WIPF1: variants seen among roughly 807,000 people sequenced by gnomAD.
WIPF1 encodes WAS/WASL-interacting protein family member 1.
WIPF1 carries 13 observed loss-of-function variants against 35.4 expected under a neutral mutation model. The ratio of observed to expected loss-of-function variants is 0.37; its 90% CI spans 0.24 to 0.58. The LOEUF (loss-of-function observed/expected upper bound fraction) is 0.58, where lower values mean the gene tolerates loss of function less well. Among genes scored for constraint, WIPF1 ranks in the 20% least tolerant of loss-of-function variants. The pLI is 0.74. For missense variants in WIPF1, 591 were observed against 667.0 expected (o/e 0.89, Z 1.25); for synonymous variants, 267 against 266.3 (o/e 1.00, Z -0.02).
At chr2:174,643,560 G>A (rs965570624) in intron 1 of WIPF1, among the ~76,000 whole-genome samples, 4 of 148,440 alleles carry the variant, frequency 2.7e-5, no homozygotes, top group Non-Finnish European at 5.9e-5. Context: ...TTACAGGCAC[G>A]CAACACCAAG....
intron 7 of WIPF1, among the ~76,000 whole-genome samples, chr2:174,565,041 A>T (rs1269694736): frequency 1.3e-5 from 2 of 151,864 alleles, no homozygotes; most frequent in Non-Finnish European, 2.9e-5. Flanking sequence ...GATTACACGC[A>T]TGCGCCCCTA....
chr2:174,663,354 T>C (rs1452535412), intron 1 of WIPF1, among the ~76,000 whole-genome samples: 1 of 152,220 alleles, frequency 6.6e-6, no homozygotes, highest in Non-Finnish European at 1.5e-5. Flanking sequence ...CATTTTCCCC[T>C]TCAAAGCTCT....
At chr2:174,582,452 C>G (rs1469740698) in intron 2 of WIPF1, among the ~76,000 whole-genome samples, 1 of 152,196 alleles carries the variant, frequency 6.6e-6, no homozygotes, top group Admixed American at 6.5e-5. Context: ...CTGGCCCCAG[C>G]CCTTCTGACA....
chr2:174,564,544 A>G (rs1384842599), intron 7 of WIPF1, among the ~76,000 whole-genome samples: 2 of 152,186 alleles, frequency 1.3e-5, no homozygotes, highest in African/African-American at 2.4e-5. Flanking sequence ...TGAGCAGGAC[A>G]CAGTTCTAGT....
At chr2:174,647,716 A>G (rs538922717) in intron 1 of WIPF1, among the ~76,000 whole-genome samples, 22 of 152,080 alleles carry the variant, frequency 1.4e-4, no homozygotes, top group Non-Finnish European at 2.8e-4. Context: ...AAATGAGGAA[A>G]GCCTCATGGC....
chr2:174,617,369 C>G (rs1686538788), intron 1 of WIPF1, among the ~76,000 whole-genome samples: 1 of 152,108 alleles, frequency 6.6e-6, no homozygotes, highest in Non-Finnish European at 1.5e-5. Context: ...ACTCTCTGGC[C>G]AGGAGAAATA....
chr2:174,638,491 C>T (rs1267612221), intron 1 of WIPF1, among the ~76,000 whole-genome samples: 1 of 152,148 alleles, frequency 6.6e-6, no homozygotes, highest in Non-Finnish European at 1.5e-5. Flanking sequence ...CAAGAGTGCA[C>T]CAGAATTCAC....
chr2:174,593,565 C>T (rs1685696909), intron 1 of WIPF1, among the ~76,000 whole-genome samples: 1 of 152,170 alleles, frequency 6.6e-6, no homozygotes, highest in Non-Finnish European at 1.5e-5. Flanking sequence ...ATGATGCAAA[C>T]TTAGCTGGAT....
chr2:174,572,148 A>C lies in WIPF1; in HGVS notation c.657T>G (p.Pro219=), dbSNP rs1363223653. The change falls in exon 5 of 8, where the codon CCT becomes CCG. Residue 219 remains proline (P), a synonymous_variant. Transcript: ENST00000679041. ...GPRQPSPGPT[P]PPFPGNRGTA... is the part of the protein sequence containing the mutation. ...TGCCGCGGTTTCCAGGGAAAGGGGG[A>C]GGAGTGGGCCCGGGGCTGGGCTGCC... The C allele has an allele frequency of 8.1e-6, 13 of 1,612,610 alleles. No individual in the cohort carries two copies. The highest frequency in any genetic ancestry group is 1.7e-5 in the Admixed American group (1 of 59,790).
rs534720726 is a variant in WIPF1, at chr2:174,667,148, G to A, written c.-39+15626C>T. 3.5e-4 allele frequency among the ~76,000 whole-genome samples: 53 copies of A among 152,320 alleles called. 1 individual carries two copies. Among genetic ancestry groups the A allele is most frequent in the African/African-American group, 1.2e-3 (50 of 41,572 alleles). ...AGACCAGATAAACTGCCAGCACAGA[G>A]CTCACCACTGGGGCTGACAGTGAGC... is the stretch of plus-strand genomic sequence containing the variant. On this transcript the variant is annotated intron_variant, in intron 1 of 8. Transcript: ENST00000272746.
At chr2:174,649,044 A>T (rs1687478833) in intron 1 of WIPF1, among the ~76,000 whole-genome samples, 1 of 152,232 alleles carries the variant, frequency 6.6e-6, no homozygotes, top group Non-Finnish European at 1.5e-5. Flanking sequence ...TAATTTAAAC[A>T]GTGATGGCCA....
intron 1 of WIPF1, among the ~76,000 whole-genome samples, chr2:174,635,734 T>TAA (rs112100282): frequency 6.6e-6 from 1 of 151,884 alleles, no homozygotes; most frequent in African/African-American, 2.4e-5. Context: ...TGATTATTTT[T>TAA]AAAAAAATGC....
At chr2:174,643,827 T>G (rs886208982) in intron 1 of WIPF1, among the ~76,000 whole-genome samples, 1 of 152,238 alleles carries the variant, frequency 6.6e-6, no homozygotes, top group African/African-American at 2.4e-5. Flanking sequence ...ATGTCTCATT[T>G]AGTATTTTTT....
intron 1 of WIPF1, among the ~76,000 whole-genome samples, chr2:174,595,109 A>AAAAAAATATAT (rs1553529785): frequency 1.7e-5 from 1 of 57,738 alleles, no homozygotes. Flanking sequence ...AAAAAAAAAA[A>AAAAAAATATAT]ATATATATAT....
chr2:174,585,100 A>G (rs1249310959), intron 2 of WIPF1, among the ~76,000 whole-genome samples: 3 of 152,188 alleles, frequency 2.0e-5, no homozygotes, highest in African/African-American at 7.2e-5. Context: ...GTGAGACCGG[A>G]AGACACTTTA....
At chr2:174,667,008 G>A (rs533330574) in intron 1 of WIPF1, among the ~76,000 whole-genome samples, 155 of 152,384 alleles carry the variant, frequency 1.0e-3, no homozygotes, top group African/African-American at 3.6e-3. Context: ...GCTTGGAGCA[G>A]CTGCACTCCC....
Position 174,646,288 on chromosome 2 carries a change from G to A in WIPF1, c.-39+36486C>T, listed in dbSNP as rs1687408043. Among the ~76,000 whole-genome samples the A allele has an allele frequency of 2.6e-5, 4 of 152,186 alleles. No homozygotes were observed. In the South Asian group the frequency reaches 8.3e-4, roughly 32 times the overall value. ...GGAGCATCCCTCTCCTCCATATTTAGGAGCACATCAAACGGGGCAAAATTG... is the reference window on the plus strand; with the variant it reads ...GGAGCATCCCTCTCCTCCATATTTAAGAGCACATCAAACGGGGCAAAATTG... On this transcript the variant is annotated intron_variant, in intron 1 of 8. Coordinates refer to the WIPF1 transcript ENST00000272746.
intron 1 of WIPF1, among the ~76,000 whole-genome samples, chr2:174,620,201 G>A (rs1158168854): frequency 6.6e-6 from 1 of 152,220 alleles, no homozygotes; most frequent in Non-Finnish European, 1.5e-5. Flanking sequence ...GGAAATCAGA[G>A]ATCACTGAGT....
At chr2:174,579,113 G>T (rs988252466) in intron 3 of WIPF1, among the ~76,000 whole-genome samples, 1 of 152,156 alleles carries the variant, frequency 6.6e-6, no homozygotes, top group Admixed American at 6.5e-5. Flanking sequence ...TGCCTCCTGG[G>T]TTCAAGCGAT....
Sources: allele counts gnomAD v4.1 joint callset (sites outside exome capture counted in the v4.1 genomes callset), GRCh38; gene constraint gnomAD v4.1.1; transcripts MANE v1.5; gene names NCBI Gene and HGNC (gene_info 2026-07-23, HGNC 2026-07-21).